Variants in ITPR1 observed in about 807,000 individuals in gnomAD.
ITPR1 encodes the protein inositol 1,4,5-trisphosphate receptor type 1, also known as inositol 1,4,5-trisphosphate-gated calcium channel ITPR1.
ITPR1 carries 96 observed loss-of-function variants against 318.4 expected under a neutral mutation model. The observed-to-expected ratio is 0.30, with a 90% CI of 0.26 to 0.36. ITPR1 has a LOEUF of 0.36. Among genes scored for constraint, ITPR1 ranks in the 10% least tolerant of loss-of-function variants. The pLI is 1.00. For missense variants in ITPR1, 2,440 were observed against 3,460.2 expected, an observed-to-expected ratio of 0.71 and a Z score of 7.40; for synonymous variants, 1,312 against 1,289.9, an observed-to-expected ratio of 1.02 and a Z score of -0.37.
At chr3:4,798,801 A>G (rs2048046448) in intron 53 of ITPR1, among the ~76,000 whole-genome samples, 1 of 152,214 alleles carries the variant, frequency 6.6e-6, no homozygotes, top group African/African-American at 2.4e-5. Flanking sequence ...GCATCTTAAA[A>G]ACTTGCTCAG....
chr3:4,564,669 G>T (rs529518582), intron 4 of ITPR1, among the ~76,000 whole-genome samples: 6 of 152,136 alleles, frequency 3.9e-5, no homozygotes, highest in Non-Finnish European at 8.8e-5. Flanking sequence ...GTGAACTAGG[G>T]CCCTCACCTG....
intron 4 of ITPR1, among the ~76,000 whole-genome samples, chr3:4,533,829 G>C (rs1280517160): frequency 6.6e-6 from 1 of 152,162 alleles, no homozygotes; most frequent in Non-Finnish European, 1.5e-5. Flanking sequence ...AGTTACTGAC[G>C]GGTCGTTTGC....
intron 35 of ITPR1, among the ~76,000 whole-genome samples, chr3:4,701,922 A>G (rs996384222): frequency 6.6e-6 from 1 of 151,888 alleles, no homozygotes; most frequent in Non-Finnish European, 1.5e-5. Flanking sequence ...TTTTTCTTTC[A>G]TCTCAGAGAC....
chr3:4,752,724 C>T (rs1361388932), intron 44 of ITPR1, among the ~76,000 whole-genome samples: 2 of 152,208 alleles, frequency 1.3e-5, no homozygotes, highest in East Asian at 1.9e-4. Context: ...GCCTTGAACT[C>T]CTGGGCTGAA....
chr3:4,838,676 T>A (rs1055821452), intron 61 of ITPR1, among the ~76,000 whole-genome samples: 1 of 152,226 alleles, frequency 6.6e-6, no homozygotes, highest in Non-Finnish European at 1.5e-5. Context: ...ATTGCAACAG[T>A]GAGGCATTCT....
At chr3:4,532,052 A>G (rs2083457284) in intron 4 of ITPR1, among the ~76,000 whole-genome samples, 1 of 152,210 alleles carries the variant, frequency 6.6e-6, no homozygotes, top group Non-Finnish European at 1.5e-5. Flanking sequence ...TTACGGGACT[A>G]CCTGGTCCAT....
At chr3:4,798,633 G>C (rs1057389985) in intron 53 of ITPR1, among the ~76,000 whole-genome samples, 2 of 152,188 alleles carry the variant, frequency 1.3e-5, no homozygotes, top group African/African-American at 4.8e-5. Flanking sequence ...TCCACTCCAA[G>C]AATTGAACAT....
At chr3:4,833,080 TC>T (rs1233928509) in intron 60 of ITPR1, among the ~76,000 whole-genome samples, 1 of 152,242 alleles carries the variant, frequency 6.6e-6, no homozygotes, top group Non-Finnish European at 1.5e-5. Context: ...CATCTTTAGA[TC>T]CTCAGCGCTC....
intron 50 of ITPR1, 67 bp downstream of exon 50, chr3:4,782,808 G>T (rs1368342082): frequency 9.4e-6 from 13 of 1,380,168 alleles, no homozygotes; most frequent in African/African-American, 1.5e-5. Context: ...GAGCTGGAGG[G>T]TGCCCCCAGT....
chr3:4,617,394 G>A (rs1397588562), intron 4 of ITPR1, among the ~76,000 whole-genome samples: 1 of 152,138 alleles, frequency 6.6e-6, no homozygotes, highest in Non-Finnish European at 1.5e-5. Context: ...ACTGCATCCT[G>A]TGGAGGGGAG....
rs996410106 is a variant in ITPR1 at position 4,800,371 on chromosome 3, C to T, written c.6932-54C>T. On this transcript the variant is annotated intron_variant, in intron 53 of 61. Coordinates refer to ENST00000649015, the MANE Select transcript of ITPR1 (RefSeq NM_001378452.1). ...AACAGTGCATGTTTTAGGTCTGTCC[C>T]CTGTACTCAGTGAAGGCACAGATTT... The T allele has an allele frequency of 1.5e-5, 24 of 1,577,856 alleles. No individual in the cohort carries two copies. In the African/African-American group the frequency reaches 2.6e-4, roughly 17 times the overall value.
chr3:4,496,533 T>C (rs527276133), intron 2 of ITPR1, among the ~76,000 whole-genome samples: 31 of 152,282 alleles, frequency 2.0e-4, no homozygotes, highest in African/African-American at 7.5e-4. Flanking sequence ...TGATTGTCTT[T>C]TGGAGGGAAT....
intron 4 of ITPR1, among the ~76,000 whole-genome samples, chr3:4,622,566 G>A (rs1215055696): frequency 6.6e-6 from 1 of 151,738 alleles, no homozygotes; most frequent in African/African-American, 2.4e-5. Flanking sequence ...TGGGACTACA[G>A]ATGCCCGCCA....
At chr3:4,717,336 T>TTC in intron 39 of ITPR1, 31 bp from the exon 40 acceptor site, 8 of 1,548,586 alleles carry the variant, frequency 5.2e-6, no homozygotes, top group Non-Finnish European at 6.2e-6. Flanking sequence ...TAACATTTCC[T>TTC]TCTCTCTCTC....
At chr3:4,797,701 AC>A (rs2047984907) in intron 53 of ITPR1, among the ~76,000 whole-genome samples, 1 of 152,238 alleles carries the variant, frequency 6.6e-6, no homozygotes, top group South Asian at 2.1e-4. Flanking sequence ...AAATATACAC[AC>A]AAGTAGAAAG....
chr3:4,670,558 C>G (rs2094053531), intron 19 of ITPR1, among the ~76,000 whole-genome samples, 171 bp from the exon 20 acceptor site: 1 of 152,206 alleles, frequency 6.6e-6, no homozygotes, highest in Non-Finnish European at 1.5e-5. Flanking sequence ...TAGTCGAGAA[C>G]CACTGGGTTA....
chr3:4,809,295 A>G (rs2048785656), intron 55 of ITPR1, among the ~76,000 whole-genome samples: 1 of 152,250 alleles, frequency 6.6e-6, no homozygotes, highest in Admixed American at 6.5e-5. Context: ...GGAGGCATGT[A>G]TAGAAGTGTT....
chr3:4,700,813 G>A (rs1458851610), intron 35 of ITPR1, among the ~76,000 whole-genome samples: 2 of 152,174 alleles, frequency 1.3e-5, no homozygotes, highest in African/African-American at 4.8e-5. Flanking sequence ...TGGCTGGGGA[G>A]GCCTCACAGT....
chr3:4,770,452 C>T (rs1477940606), intron 46 of ITPR1, among the ~76,000 whole-genome samples: 1 of 152,194 alleles, frequency 6.6e-6, no homozygotes, highest in Non-Finnish European at 1.5e-5. Context: ...GATCTGAGGT[C>T]CTCACCTGGC....
Sources: allele counts gnomAD v4.1 joint callset (sites outside exome capture counted in the v4.1 genomes callset), GRCh38; gene constraint gnomAD v4.1.1; transcripts MANE v1.5; gene names NCBI Gene and HGNC (gene_info 2026-07-23, HGNC 2026-07-21).